ZPBP: variants seen among roughly 807,000 people sequenced by gnomAD.
ZPBP encodes the protein zona pellucida-binding protein 1.
ZPBP carries 26 observed loss-of-function variants against 44.8 expected under a neutral mutation model. The observed-to-expected ratio is 0.58, with a 90% CI of 0.43 to 0.81. ZPBP has a LOEUF of 0.81. Among genes scored for constraint, ZPBP ranks in the 30% least tolerant of loss-of-function variants. ZPBP has a pLI of 0.00. For missense variants in ZPBP, 409 were observed against 434.0 expected, an observed-to-expected ratio of 0.94 and a Z score of 0.51; for synonymous variants, 174 against 153.2, an observed-to-expected ratio of 1.14 and a Z score of -1.00.
At chr7:49,965,484 T>C (rs996081385) in intron 7 of ZPBP, among the ~76,000 whole-genome samples, 2 of 152,026 alleles carry the variant, frequency 1.3e-5, no homozygotes, top group African/African-American at 4.8e-5. Context: ...TACTCTTCAA[T>C]AGCAGAGCTA....
At chr7:50,062,055 G>T (rs565327156) in intron 3 of ZPBP, among the ~76,000 whole-genome samples, 2 of 152,172 alleles carry the variant, frequency 1.3e-5, no homozygotes, top group African/African-American at 4.8e-5. Context: ...GCCAAATCAA[G>T]AACACAATCC....
intron 1 of ZPBP, among the ~76,000 whole-genome samples, chr7:49,907,868 A>G (rs1475848272): frequency 6.6e-6 from 1 of 152,110 alleles, no homozygotes; most frequent in Non-Finnish European, 1.5e-5. Flanking sequence ...GGTTGTGGAG[A>G]CCATAGTTTT....
rs143172460 is a variant in ZPBP, at chr7:49,901,735, G to A, written n.412-520C>T. Among the ~76,000 whole-genome samples the A allele has an allele frequency of 1.7e-3, 252 of 151,848 alleles. 3 individuals are homozygous for A. Among genetic ancestry groups the A allele is most frequent in the African/African-American group, 5.6e-3 (232 of 41,482 alleles). On this transcript the variant is annotated intron_variant and non_coding_transcript_variant, in intron 1 of 2. Transcript: ENST00000465922. Reference sequence around the variant, plus strand: ...GCAAAAGACCTAGAATAGCCAACACGATATTGAAAGAGAAAAACGTAGCTG... The same window carrying A: ...GCAAAAGACCTAGAATAGCCAACACAATATTGAAAGAGAAAAACGTAGCTG...
chr7:49,967,706 A>G (rs1477137706), intron 7 of ZPBP, among the ~76,000 whole-genome samples: 1 of 151,950 alleles, frequency 6.6e-6, no homozygotes, highest in East Asian at 1.9e-4. Flanking sequence ...GCCACCACGC[A>G]TGGCTAATTT....
chr7:49,860,825 A>G (rs1167209698), intron 2 of ZPBP, among the ~76,000 whole-genome samples: 2 of 152,220 alleles, frequency 1.3e-5, no homozygotes, highest in East Asian at 1.9e-4. Context: ...GACACCAAGG[A>G]TGTGTGCACA....
chr7:49,851,800 G>C (rs1790188811), intron 2 of ZPBP, among the ~76,000 whole-genome samples: 1 of 151,896 alleles, frequency 6.6e-6, no homozygotes, highest in African/African-American at 2.4e-5. Flanking sequence ...AGAGTTTGCA[G>C]AGCCGAGCTT....
intron 5 of ZPBP, among the ~76,000 whole-genome samples, chr7:50,027,683 A>C (rs1253018935): frequency 6.6e-6 from 1 of 152,016 alleles, no homozygotes. Flanking sequence ...GTTTTTGGAA[A>C]AAATGCAATA....
chr7:49,979,057 G>A (rs1292524796), intron 7 of ZPBP, among the ~76,000 whole-genome samples: 1 of 151,806 alleles, frequency 6.6e-6, no homozygotes, highest in Non-Finnish European at 1.5e-5. Flanking sequence ...CAATGATGAT[G>A]AGCCCATAAA....
the ZPBP span, among the ~76,000 whole-genome samples, chr7:49,841,627 A>T: frequency 6.6e-6 from 1 of 152,280 alleles, no homozygotes; most frequent in East Asian, 1.9e-4. Flanking sequence ...TTCCGGGAGG[A>T]CAGAGGTTCT....
chr7:50,081,959 ATGTACACTT>A, intron 2 of ZPBP, 60 bp from the exon 3 acceptor site: 1 of 1,578,016 alleles, frequency 6.3e-7, no homozygotes, highest in Admixed American at 1.7e-5. Context: ...TTTCTCTATA[ATGTACACTT>A]TTGTAGTTTG....
intron 4 of ZPBP, among the ~76,000 whole-genome samples, chr7:50,054,426 A>G (rs1208366209): frequency 6.6e-6 from 1 of 152,176 alleles, no homozygotes. Flanking sequence ...AGTGGAATTG[A>G]AAAGGCAATC....
At chr7:49,884,673 A>T (rs556274955) in intron 2 of ZPBP, among the ~76,000 whole-genome samples, 3 of 152,320 alleles carry the variant, frequency 2.0e-5, no homozygotes, top group African/African-American at 7.2e-5. Context: ...GGAGAGCAGG[A>T]CCTGCTGCCT....
At chr7:50,000,951 A>C (rs1393979766) in intron 6 of ZPBP, among the ~76,000 whole-genome samples, 1 of 152,156 alleles carries the variant, frequency 6.6e-6, no homozygotes, top group Non-Finnish European at 1.5e-5. Flanking sequence ...GTAGGCCCTA[A>C]TTCAATGACT....
chr7:49,894,767 A>G (rs1358828768), intron 2 of ZPBP, among the ~76,000 whole-genome samples: 1 of 152,158 alleles, frequency 6.6e-6, no homozygotes, highest in Non-Finnish European at 1.5e-5. Context: ...AGGCTCAACT[A>G]AAAATAGCCC....
At chr7:49,866,126 C>T (rs1047359893) in intron 2 of ZPBP, among the ~76,000 whole-genome samples, 2 of 152,130 alleles carry the variant, frequency 1.3e-5, no homozygotes, top group Admixed American at 1.3e-4. Flanking sequence ...TCCTTCATAT[C>T]GCCTCTAAAT....
chr7:50,033,678 G>GTTTGTTTGTTTGTTTGTTTATTTATTTA (rs143206693), intron 4 of ZPBP, among the ~76,000 whole-genome samples: 1 of 148,714 alleles, frequency 6.7e-6, no homozygotes, highest in African/African-American at 2.5e-5. Context: ...TCTTTCTACA[G>GTTTGTTTGTTTGTTTGTTTATTTATTTA]TTTATTTATT....
At chr7:49,869,411 G>A (rs533036559) in intron 2 of ZPBP, among the ~76,000 whole-genome samples, 4 of 152,232 alleles carry the variant, frequency 2.6e-5, no homozygotes, top group African/African-American at 9.6e-5. Flanking sequence ...TTCAAACAAA[G>A]CAACGATTTT....
intron 2 of ZPBP, among the ~76,000 whole-genome samples, chr7:49,879,446 A>G (rs746027026): frequency 9.2e-5 from 14 of 152,212 alleles, no homozygotes; most frequent in Non-Finnish European, 2.1e-4. Context: ...TGCAGGTACC[A>G]GACAGCATGC....
rs1562820427 is a variant in ZPBP, at chr7:49,981,651, T to TAAATTATATATTATATAA, written c.961+1690_961+1691insTTATATAATATATAATTT. Among the ~76,000 whole-genome samples, 126 of 46,532 alleles carry TAAATTATATATTATATAA rather than the reference T, an allele frequency of 2.7e-3. 19 individuals carry two copies. Among genetic ancestry groups the TAAATTATATATTATATAA allele is most frequent in the African/African-American group, 4.5e-3 (37 of 8,230 alleles). 30.5% of individuals were successfully genotyped at this position (46,532 alleles called of 152,430 possible). A position where few individuals can be genotyped will look rare whatever the true frequency, so the allele number is the denominator to read the frequency against. ...ATTATATTATATATTATATAATATC[T>TAAATTATATATTATATAA]TGATATAAAATATATATTATATATT... On this transcript the variant is annotated intron_variant, in intron 7 of 7. Transcript: ENST00000046087.
Sources: allele counts gnomAD v4.1 joint callset (sites outside exome capture counted in the v4.1 genomes callset), GRCh38; gene constraint gnomAD v4.1.1; transcripts MANE v1.5; gene names NCBI Gene and HGNC (gene_info 2026-07-23, HGNC 2026-07-21).